The following CTNNB1 variants were observed in gnomAD, a reference collection of about 807,000 sequenced individuals.
CTNNB1 encodes catenin beta-1.
A neutral mutation model predicts 82.5 loss-of-function variants in CTNNB1; 6 were observed. The observed-to-expected ratio is 0.07, with a 90% CI of 0.04 to 0.14. CTNNB1 has a LOEUF of 0.14. Among genes scored for constraint, CTNNB1 ranks in the 10% least tolerant of loss-of-function variants. The pLI is 1.00. For missense variants in CTNNB1, 529 were observed against 980.4 expected, an observed-to-expected ratio of 0.54 and a Z score of 6.15; for synonymous variants, 312 against 329.7, an observed-to-expected ratio of 0.95 and a Z score of 0.58.
rs1383946252 is a variant in CTNNB1 at position 41,224,680 on chromosome 3, T to C, written c.168T>C (p.Asp56=). ...LSGKGNPEEE[D]VDTSQVLYEW... is the part of the protein sequence containing the mutation. ...GTAAAGGCAATCCTGAGGAAGAGGA[T>C]GTGGATACCTCCCAAGTCCTGTATG... Residue 56 remains aspartate (D), a synonymous_variant, in exon 3 of 15, where the codon GAT becomes GAC. Transcript: ENST00000349496. The C allele has an allele frequency of 1.9e-6, 3 of 1,613,812 alleles. No individual in the cohort carries two copies. In the African/African-American group the frequency reaches 4.0e-5, roughly 22 times the overall value.
At chr3:41,230,170 G>A (rs1452953557) in intron 7 of CTNNB1, among the ~76,000 whole-genome samples, 5 of 152,186 alleles carry the variant, frequency 3.3e-5, no homozygotes, top group Non-Finnish European at 7.3e-5. Flanking sequence ...ACTGGCAGAG[G>A]AACCATAGTC....
At chr3:41,235,488 G>A (rs1055378361) in intron 10 of CTNNB1, 13 of 565,024 alleles carry the variant, frequency 2.3e-5, no homozygotes, top group Admixed American at 1.2e-4. Flanking sequence ...GGGATTCAGC[G>A]CTGTATGGAA....
At chr3:41,218,184 C>T (rs948803124) in intron 1 of CTNNB1, among the ~76,000 whole-genome samples, 4 of 152,060 alleles carry the variant, frequency 2.6e-5, no homozygotes, top group African/African-American at 9.7e-5. Flanking sequence ...AAGCCCATTT[C>T]TCCTAATACT....
chr3:41,215,148 C>T, intron 1 of CTNNB1, among the ~76,000 whole-genome samples: 1 of 144,356 alleles, frequency 6.9e-6, no homozygotes, highest in Non-Finnish European at 1.5e-5. Flanking sequence ...GAGGCCGAGG[C>T]TGGTGGATCA....
At chr3:41,227,880 C>T (rs1168143045) in intron 7 of CTNNB1, among the ~76,000 whole-genome samples, 8 of 152,080 alleles carry the variant, frequency 5.3e-5, no homozygotes, top group Non-Finnish European at 8.8e-5. Context: ...CTTTACCTCC[C>T]ACCCGTAAGT....
intron 3 of CTNNB1, 55 bp downstream of exon 3, chr3:41,224,808 C>G (rs1178524655): frequency 1.3e-6 from 2 of 1,595,544 alleles, no homozygotes; most frequent in African/African-American, 1.3e-5. Context: ...GTTTTGAGAA[C>G]TAAAAAGTTA....
chr3:41,200,296 C>G (rs1231093832), intron 1 of CTNNB1: 1 of 152,126 alleles, frequency 6.6e-6, no homozygotes, highest in African/African-American at 2.4e-5. Context: ...AGCAACTAAA[C>G]TCTAAGTGCA....
At chr3:41,227,566 T>C (rs1197821939) in intron 7 of CTNNB1, among the ~76,000 whole-genome samples, 7 of 152,228 alleles carry the variant, frequency 4.6e-5, no homozygotes, top group Admixed American at 4.6e-4. Context: ...CCATCAAAAA[T>C]GATGGCATAT....
At chr3:41,224,379 C>G (rs1423329900) in intron 2 of CTNNB1, 147 bp from the exon 3 acceptor site, 28 of 870,880 alleles carry the variant, frequency 3.2e-5, no homozygotes, top group Non-Finnish European at 5.0e-5. Flanking sequence ...TGAGCTAACC[C>G]TGGCTATCAT....
At chr3:41,234,089 A>G (rs776768132) in intron 9 of CTNNB1, 50 bp from the exon 10 acceptor site, 1 of 1,612,096 alleles carries the variant, frequency 6.2e-7, no homozygotes, top group Non-Finnish European at 8.5e-7. Flanking sequence ...TTTTAGGGTA[A>G]GAAAATGATT....
At chr3:41,202,147 T>C (rs528865225) in intron 1 of CTNNB1, among the ~76,000 whole-genome samples, 2 of 152,362 alleles carry the variant, frequency 1.3e-5, no homozygotes, top group Admixed American at 1.3e-4. Context: ...TGCAATAGAC[T>C]ATAGAAGTAT....
At chr3:41,228,183 T>C (rs1452167178) in intron 7 of CTNNB1, among the ~76,000 whole-genome samples, 1 of 152,156 alleles carries the variant, frequency 6.6e-6, no homozygotes, top group Non-Finnish European at 1.5e-5. Flanking sequence ...AGTGAACATA[T>C]GCATGCATGT....
intron 13 of CTNNB1, chr3:41,237,051 T>C: frequency 2.4e-6 from 1 of 417,174 alleles, no homozygotes; most frequent in East Asian, 4.2e-5. Context: ...TCAGTATTTT[T>C]TACTAAACTT....
chr3:41,210,281 C>T (rs1019518813), intron 1 of CTNNB1, among the ~76,000 whole-genome samples: 3 of 151,950 alleles, frequency 2.0e-5, no homozygotes, highest in African/African-American at 4.8e-5. Flanking sequence ...GGTGAAACCC[C>T]GTCTCTACTA....
intron 6 of CTNNB1, among the ~76,000 whole-genome samples, 195 bp downstream of exon 6, chr3:41,226,056 T>G (rs913731495): frequency 6.6e-6 from 1 of 152,056 alleles, no homozygotes; most frequent in Non-Finnish European, 1.5e-5. Context: ...TAGATTCTCA[T>G]AGGGAGCGTG....
chr3:41,226,218 C>G (rs536651228), intron 6 of CTNNB1, among the ~76,000 whole-genome samples: 1 of 152,304 alleles, frequency 6.6e-6, no homozygotes, highest in South Asian at 2.1e-4. Context: ...CAGTTCATTT[C>G]TGTTCTTTTA....
chr3:41,203,940 A>C (rs2077590918), intron 1 of CTNNB1, among the ~76,000 whole-genome samples: 1 of 152,204 alleles, frequency 6.6e-6, no homozygotes, highest in African/African-American at 2.4e-5. Flanking sequence ...TTTGTTTTTC[A>C]GAATATGTTG....
chr3:41,226,408 C>T (rs749109298), intron 6 of CTNNB1, among the ~76,000 whole-genome samples: 10 of 152,108 alleles, frequency 6.6e-5, no homozygotes, highest in Admixed American at 1.3e-4. Flanking sequence ...TTGAAACTGA[C>T]TCTTTTTGAG....
In CTNNB1 at chr3:41,225,561, G is replaced by A. The variant is rs483352717; in HGVS notation, c.723G>A (p.Val241=). 1 of 1,614,158 alleles carries A rather than the reference G, an allele frequency of 6.2e-7. No homozygotes were observed. Among genetic ancestry groups the A allele is most frequent in the African/African-American group, 1.3e-5 (1 of 75,068 alleles). The change falls in exon 5 of 15, where the codon GTG becomes GTA. Residue 241 remains valine, a synonymous_variant. Transcript: ENST00000349496. The surrounding 1 kb of genome is among the most constrained non-coding windows in gnomAD (Gnocchi z 5.3). The part of the protein sequence containing the change: ...IFKSGGIPAL[V]KMLGSPVDSV... The stretch of plus-strand genomic sequence containing the variant: ...AGTCTGGAGGCATTCCTGCCCTGGT[G>A]AAAATGCTTGGGTAAGAAAACATGT...
Sources: gnomAD v4.1 joint callset for allele counts (sites outside exome capture counted in the v4.1 genomes callset) on GRCh38, gnomAD v4.1.1 for gene constraint, Gnocchi (gnomAD v3.1) non-coding constraint, MANE v1.5 for transcripts, NCBI Gene and HGNC (gene_info 2026-07-23, HGNC 2026-07-21) for gene names.